The following ABHD17B variants were observed in gnomAD, a reference collection of about 807,000 sequenced individuals.
ABHD17B encodes the protein abhydrolase domain containing 17B, depalmitoylase.
Under a neutral mutation model 26.2 loss-of-function variants are expected in ABHD17B, and 9 were observed. That is an observed-to-expected ratio of 0.34 (90% CI 0.21 to 0.60). ABHD17B has a LOEUF of 0.60. Among genes scored for constraint, ABHD17B ranks in the 20% least tolerant of loss-of-function variants. The probability of loss-of-function intolerance (pLI) is 0.80; values close to 1 mark genes in which losing one functional copy is unlikely to be tolerated. For missense variants in ABHD17B, 224 were observed against 352.1 expected, an observed-to-expected ratio of 0.64 and a Z score of 2.91; for synonymous variants, 127 against 122.3, an observed-to-expected ratio of 1.04 and a Z score of -0.25.
chr9:71,889,959 T>C (rs1285880005), intron 1 of ABHD17B, among the ~76,000 whole-genome samples: 2 of 152,032 alleles, frequency 1.3e-5, no homozygotes, highest in Non-Finnish European at 2.9e-5. Context: ...CAGTGTAGCC[T>C]CATTATAAAA....
At chr9:71,896,681 A>AACACACAC (rs147044015) in intron 1 of ABHD17B, among the ~76,000 whole-genome samples, 2 of 147,596 alleles carry the variant, frequency 1.4e-5, no homozygotes, top group African/African-American at 2.5e-5. Flanking sequence ...CTTCTACCAA[A>AACACACAC]ACACACACAC....
At chr9:71,865,092 T>A (rs376195306), downstream of ABHD17B, 223 of 941,376 alleles carry the variant, frequency 2.4e-4, 2 homozygotes, top group African/African-American at 3.0e-3. Context: ...GAAGGGTAAT[T>A]TTTTTTCACT....
rs1356808187 is a variant in ABHD17B at position 71,866,334 on chromosome 9, C to G, written c.*453G>C. ...CTAGTGAACTTGCATGGTTTTAAATCTCTTTTACAGTTCATTCCATTATGA... is the reference window on the plus strand; with the variant it reads ...CTAGTGAACTTGCATGGTTTTAAATGTCTTTTACAGTTCATTCCATTATGA... On this transcript the variant is annotated 3_prime_UTR_variant, in exon 4 of 4. Transcript: ENST00000333421. 2.2e-5 allele frequency: 22 copies of G among 989,518 alleles called. No homozygotes were observed. The highest frequency in any genetic ancestry group is 2.5e-5 in the Non-Finnish European group (21 of 830,834). 61.3% of individuals were successfully genotyped at this position (989,518 alleles called of 1,614,324 possible). A position where few individuals can be genotyped will look rare whatever the true frequency, so the allele number is the denominator to read the frequency against.
chr9:71,882,375 G>A (rs1331839707), intron 1 of ABHD17B, among the ~76,000 whole-genome samples: 2 of 152,200 alleles, frequency 1.3e-5, no homozygotes, highest in African/African-American at 4.8e-5. Flanking sequence ...CAAAATGTAG[G>A]CTGGGCGCAG....
intron 2 of ABHD17B, among the ~76,000 whole-genome samples, chr9:71,872,701 CAACT>C (rs1302848633): frequency 6.6e-6 from 1 of 152,024 alleles, no homozygotes; most frequent in Non-Finnish European, 1.5e-5. Context: ...ATACGTTATT[CAACT>C]GACTGACTCT....
chr9:71,908,720 C>G (rs2132221225), intron 1 of ABHD17B, among the ~76,000 whole-genome samples: 1 of 152,278 alleles, frequency 6.6e-6, no homozygotes, highest in South Asian at 2.1e-4. Flanking sequence ...AACTGTTCAT[C>G]AAATGATTGA....
intron 1 of ABHD17B, among the ~76,000 whole-genome samples, chr9:71,883,205 A>G (rs1353889093): frequency 1.3e-5 from 2 of 152,218 alleles, no homozygotes; most frequent in Non-Finnish European, 2.9e-5. Context: ...TGGTATGTCA[A>G]TTATATATTA....
rs776983268 is a variant in ABHD17B, at chr9:71,867,015, A to G, written c.648-9T>C. On this transcript the variant is annotated splice_polypyrimidine_tract_variant and intron_variant, in intron 3 of 3. Coordinates refer to ENST00000333421, the MANE Select transcript of ABHD17B (RefSeq NM_001025780.3). ...TAGAGATTTTGTCAATGCTGCAGGG[A>G]AAAAGGAAGGGGGAAAAATGCAATA... 1 of 1,612,216 alleles carries G rather than the reference A, an allele frequency of 6.2e-7. No homozygotes were observed. Among genetic ancestry groups the G allele is most frequent in the South Asian group, 1.1e-5 (1 of 91,006 alleles).
At chr9:71,880,800 G>A (rs976802682) in intron 1 of ABHD17B, among the ~76,000 whole-genome samples, 10 of 151,876 alleles carry the variant, frequency 6.6e-5, no homozygotes, top group Non-Finnish European at 1.5e-4. Flanking sequence ...AAAATGGAAA[G>A]AATGACTTAA....
chr9:71,899,598 T>C (rs200225557), intron 1 of ABHD17B, among the ~76,000 whole-genome samples: 11 of 152,154 alleles, frequency 7.2e-5, no homozygotes, highest in Non-Finnish European at 1.5e-4. Flanking sequence ...GTAGGAAATA[T>C]AGGAATTGTG....
intron 1 of ABHD17B, among the ~76,000 whole-genome samples, chr9:71,882,474 C>A (rs1288707456): frequency 1.3e-5 from 2 of 152,072 alleles, no homozygotes; most frequent in Admixed American, 6.5e-5. Context: ...GCCTGGCCAA[C>A]ATGGTGAAAC....
At chr9:71,875,220 T>C (rs1826231318) in intron 1 of ABHD17B, 137 bp from the exon 2 acceptor site, 1 of 701,804 alleles carries the variant, frequency 1.4e-6, no homozygotes, top group East Asian at 2.9e-5. Context: ...TCCAAACAGA[T>C]TTTTGGCTTC....
chr9:71,870,399 T>G, intron 2 of ABHD17B, 137 bp from the exon 3 acceptor site: 1 of 657,960 alleles, frequency 1.5e-6, no homozygotes, highest in Non-Finnish European at 2.3e-6. Context: ...TCTTAGCTAT[T>G]ACTGTTAGTT....
intron 1 of ABHD17B, among the ~76,000 whole-genome samples, chr9:71,883,368 C>G (rs1205845980): frequency 6.6e-6 from 1 of 152,032 alleles, no homozygotes; most frequent in Non-Finnish European, 1.5e-5. Context: ...ACAAATAGAC[C>G]TAGTAACAGA....
chr9:71,897,290 G>C (rs909849246), intron 1 of ABHD17B, among the ~76,000 whole-genome samples: 5 of 149,340 alleles, frequency 3.3e-5, no homozygotes, highest in Middle Eastern at 6.8e-3. Flanking sequence ...CAGCACTTTG[G>C]GAGGCCAAGG....
intron 1 of ABHD17B, among the ~76,000 whole-genome samples, chr9:71,901,563 G>A (rs1259533049): frequency 4.7e-5 from 7 of 149,626 alleles, no homozygotes; most frequent in South Asian, 2.1e-4. Context: ...TCTTTTTATC[G>A]CACCTAAACC....
chr9:71,873,794 A>G (rs970172186), intron 2 of ABHD17B, among the ~76,000 whole-genome samples: 3 of 152,148 alleles, frequency 2.0e-5, no homozygotes, highest in African/African-American at 7.2e-5. Context: ...CAGCCTCCCA[A>G]AGTGCTAGGA....
chr9:71,908,172 C>T (rs1346211274), intron 1 of ABHD17B, among the ~76,000 whole-genome samples: 2 of 152,086 alleles, frequency 1.3e-5, no homozygotes, highest in South Asian at 2.1e-4. Context: ...GGGTGGATCA[C>T]CTGAGGTCAG....
chr9:71,883,152 A>C (rs1252545187), intron 1 of ABHD17B, among the ~76,000 whole-genome samples: 1 of 152,246 alleles, frequency 6.6e-6, no homozygotes. Flanking sequence ...CAAAACAAAC[A>C]AACAAACAAA....
Sources: allele counts gnomAD v4.1 joint callset (sites outside exome capture counted in the v4.1 genomes callset), GRCh38; gene constraint gnomAD v4.1.1; transcripts MANE v1.5; gene names NCBI Gene and HGNC (gene_info 2026-07-23, HGNC 2026-07-21).